The following SYNPO2 variants were observed in gnomAD, a reference collection of about 807,000 sequenced individuals.
SYNPO2 encodes synaptopodin 2, also known as synaptopodin-2.
Under a neutral mutation model 85.0 loss-of-function variants are expected in SYNPO2, and 56 were observed. The ratio of observed to expected loss-of-function variants is 0.66; its 90% CI spans 0.53 to 0.82. SYNPO2 has a LOEUF of 0.82. SYNPO2 is among the 40% of genes least tolerant of loss of function. The probability of loss-of-function intolerance (pLI) is 0.00; values close to 1 mark genes in which losing one functional copy is unlikely to be tolerated. For missense variants in SYNPO2, 1,575 were observed against 1,534.2 expected (o/e 1.03, Z -0.44); for synonymous variants, 602 against 591.1 (o/e 1.02, Z -0.27).
chr4:118,955,045 G>A (rs973248732), intron 1 of SYNPO2, among the ~76,000 whole-genome samples: 3 of 143,684 alleles, frequency 2.1e-5, no homozygotes, highest in African/African-American at 7.8e-5. Flanking sequence ...TATCACCTAG[G>A]CTACAGTGTA....
In SYNPO2 at chr4:119,016,509, T is replaced by C. The variant is rs1578645639; in HGVS notation, c.106-6921T>C. On this transcript the variant is annotated intron_variant, in intron 1 of 4. Coordinates refer to ENST00000307142, the MANE Select transcript of SYNPO2 (RefSeq NM_133477.3). Reference sequence around the variant, plus strand: ...AGTAATTCTTATTAAAAAGAGTATTTACATAGATGCTTTTAAATTTTACAT... The same window carrying C: ...AGTAATTCTTATTAAAAAGAGTATTCACATAGATGCTTTTAAATTTTACAT... 2.0e-5 allele frequency among the ~76,000 whole-genome samples: 3 copies of C among 152,362 alleles called. 1 individual carries two copies. In the East Asian group the frequency reaches 5.8e-4, roughly 29 times the overall value.
intron 1 of SYNPO2, among the ~76,000 whole-genome samples, chr4:118,944,540 A>G (rs1734429846): frequency 6.6e-6 from 1 of 152,144 alleles, no homozygotes; most frequent in African/African-American, 2.4e-5. Context: ...TAAGCCACTC[A>G]CTGACTGTTA....
chr4:118,948,363 C>T (rs1734576867), intron 1 of SYNPO2, among the ~76,000 whole-genome samples: 1 of 152,128 alleles, frequency 6.6e-6, no homozygotes, highest in African/African-American at 2.4e-5. Flanking sequence ...ATGGGGAATC[C>T]ATATAAATAC....
intron 1 of SYNPO2, among the ~76,000 whole-genome samples, chr4:119,000,198 G>C (rs1032066830): frequency 6.6e-6 from 1 of 152,092 alleles, no homozygotes; most frequent in Non-Finnish European, 1.5e-5. Context: ...AAGGTTTGGC[G>C]ACTTAATGAG....
intron 4 of SYNPO2, among the ~76,000 whole-genome samples, chr4:119,044,430 T>C (rs544442177): frequency 2.0e-5 from 3 of 152,380 alleles, no homozygotes; most frequent in South Asian, 2.1e-4. Flanking sequence ...AGAGATGTGA[T>C]AAAGGAATTG....
intron 4 of SYNPO2, 27 bp downstream of exon 4, chr4:119,032,054 G>A (rs1435273756): frequency 3.1e-6 from 5 of 1,610,844 alleles, no homozygotes; most frequent in Non-Finnish European, 4.2e-6. Context: ...TTGTGGAAGA[G>A]TAATCTTGTA....
chr4:118,922,330 G>A (rs1733568454), intron 1 of SYNPO2, among the ~76,000 whole-genome samples: 1 of 152,034 alleles, frequency 6.6e-6, no homozygotes, highest in Admixed American at 6.6e-5. Context: ...AAATCCTTCA[G>A]GTTTACAGAA....
exon 1 of SYNPO2, chr4:118,850,908 A>G (rs1167665745): frequency 5.0e-6 from 2 of 398,662 alleles, no homozygotes; most frequent in Non-Finnish European, 8.8e-6. Flanking sequence ...AGCCTCCCAC[A>G]AAAGAGATGA....
chr4:118,979,470 C>T (rs1735924319), intron 1 of SYNPO2, among the ~76,000 whole-genome samples: 1 of 152,164 alleles, frequency 6.6e-6, no homozygotes, highest in Admixed American at 6.5e-5. Context: ...TCTTGTTTAT[C>T]AAGTACTTAC....
intron 1 of SYNPO2, among the ~76,000 whole-genome samples, chr4:119,011,556 G>A (rs1028348996): frequency 2.6e-5 from 4 of 152,072 alleles, no homozygotes; most frequent in African/African-American, 9.7e-5. Flanking sequence ...AATTCTCTAT[G>A]TATTACAATG....
chr4:118,941,309 G>C (rs1409140561), intron 1 of SYNPO2, among the ~76,000 whole-genome samples: 3 of 151,998 alleles, frequency 2.0e-5, no homozygotes, highest in African/African-American at 7.3e-5. Context: ...TTCATTCCCA[G>C]TCACCAACTG....
intron 3 of SYNPO2, 102 bp downstream of exon 3, chr4:119,027,540 C>T: frequency 1.8e-6 from 2 of 1,130,984 alleles, no homozygotes; most frequent in Non-Finnish European, 2.4e-6. Flanking sequence ...TTATGTTTCT[C>T]ATTGGCTTAA....
intron 2 of SYNPO2, among the ~76,000 whole-genome samples, chr4:119,023,910 A>G (rs948499939): frequency 3.2e-4 from 48 of 152,254 alleles, no homozygotes; most frequent in Admixed American, 3.1e-3. Context: ...GTGATGGATC[A>G]GAATCACTCA....
chr4:118,870,599 T>C (rs2110571833), intron 1 of SYNPO2, among the ~76,000 whole-genome samples: 1 of 152,368 alleles, frequency 6.6e-6, no homozygotes, highest in South Asian at 2.1e-4. Context: ...TCTAGATCTC[T>C]GAGGAATTGC....
At chr4:118,866,677 G>C (rs1393011845) in intron 1 of SYNPO2, among the ~76,000 whole-genome samples, 1 of 152,144 alleles carries the variant, frequency 6.6e-6, no homozygotes, top group Non-Finnish European at 1.5e-5. Context: ...CCTCCCCCTT[G>C]CTGTTCTCAT....
chr4:119,001,410 T>C (rs1477433430), intron 1 of SYNPO2, among the ~76,000 whole-genome samples: 1 of 152,244 alleles, frequency 6.6e-6, no homozygotes, highest in African/African-American at 2.4e-5. Context: ...CTTAAGTAGA[T>C]ACTCATTGTT....
chr4:118,978,237 A>G (rs1735865417), intron 1 of SYNPO2, among the ~76,000 whole-genome samples: 1 of 152,230 alleles, frequency 6.6e-6, no homozygotes, highest in African/African-American at 2.4e-5. Context: ...GTTCCCCACA[A>G]TTTAGCCCAA....
At chr4:118,879,353 C>T (rs1014901951) in intron 1 of SYNPO2, among the ~76,000 whole-genome samples, 2 of 152,228 alleles carry the variant, frequency 1.3e-5, no homozygotes, top group South Asian at 2.1e-4. Context: ...TTTTTGTCTC[C>T]CCTGAAATTC....
chr4:119,050,724 T>C (rs1378326355), intron 4 of SYNPO2, among the ~76,000 whole-genome samples: 1 of 152,194 alleles, frequency 6.6e-6, no homozygotes, highest in Non-Finnish European at 1.5e-5. Context: ...GTGGGAGTCT[T>C]GCATGCATTA....
Sources: gnomAD v4.1 joint callset for allele counts (sites outside exome capture counted in the v4.1 genomes callset) on GRCh38, gnomAD v4.1.1 for gene constraint, MANE v1.5 for transcripts, NCBI Gene and HGNC (gene_info 2026-07-23, HGNC 2026-07-21) for gene names.